ADGRL2: variants seen among roughly 807,000 people sequenced by gnomAD.
The protein encoded by ADGRL2 is adhesion G protein-coupled receptor L2, also known as calcium-independent alpha-latrotoxin receptor 2.
ADGRL2 carries 44 observed loss-of-function variants against 157.4 expected under a neutral mutation model. That is an observed-to-expected ratio of 0.28 (90% confidence interval 0.22 to 0.36). The LOEUF is 0.36. ADGRL2 is among the 10% of genes least tolerant of loss of function. ADGRL2 has a pLI of 1.00. For missense variants in ADGRL2, 1,510 were observed against 1,768.9 expected (o/e 0.85, Z 2.63); for synonymous variants, 585 against 624.7 (o/e 0.94, Z 0.95).
chr1:81,373,952 G>A (rs2076203163), intron 1 of ADGRL2, among the ~76,000 whole-genome samples: 2 of 152,206 alleles, frequency 1.3e-5, no homozygotes, highest in South Asian at 2.1e-4. Flanking sequence ...AAATGTAGTA[G>A]GTCCAAAAAT....
intron 1 of ADGRL2, among the ~76,000 whole-genome samples, chr1:81,359,125 G>T (rs1253505096): frequency 6.6e-6 from 1 of 151,882 alleles, no homozygotes; most frequent in Non-Finnish European, 1.5e-5. Context: ...GTTGGGAGGT[G>T]GTATGGAAGC....
At chr1:81,532,964 CT>C (rs1294782246) in intron 2 of ADGRL2, among the ~76,000 whole-genome samples, 1 of 149,928 alleles carries the variant, frequency 6.7e-6, no homozygotes, top group African/African-American at 2.4e-5. Context: ...ATCTATCTAT[CT>C]ATCTATCATC....
At chr1:81,412,278 T>C (rs1281882527) in intron 1 of ADGRL2, among the ~76,000 whole-genome samples, 2 of 152,186 alleles carry the variant, frequency 1.3e-5, no homozygotes, top group Non-Finnish European at 2.9e-5. Context: ...CCTCCACAAG[T>C]CATTATTAAT....
chr1:81,700,729 G>C (rs2083550654), intron 1 of ADGRL2, among the ~76,000 whole-genome samples: 1 of 152,148 alleles, frequency 6.6e-6, no homozygotes, highest in Non-Finnish European at 1.5e-5. Flanking sequence ...GATAGGAGAG[G>C]AAAAGCATAA....
At chr1:81,615,365 G>A (rs947498863) in intron 3 of ADGRL2, among the ~76,000 whole-genome samples, 1 of 152,230 alleles carries the variant, frequency 6.6e-6, no homozygotes, top group Non-Finnish European at 1.5e-5. Flanking sequence ...CTTCTATGCT[G>A]TGGAAGCTTT....
chr1:81,482,696 CAGG>C lies in ADGRL2; in HGVS notation c.-248+37610_-248+37612del, dbSNP rs148066444. ...AAAAACATCTTTATGTTTGTAAACA[CAGG>C]AGATATTAGATAGGGTTCCATTTGT... On this transcript the variant is annotated intron_variant, in intron 2 of 24. Transcript: ENST00000370721. 9.1e-3 allele frequency among the ~76,000 whole-genome samples: 1,384 copies of C among 152,064 alleles called. 19 individuals carry two copies. The highest frequency in any genetic ancestry group is 0.031 in the African/African-American group (1,294 of 41,494).
intron 3 of ADGRL2, among the ~76,000 whole-genome samples, chr1:81,657,101 C>G (rs2082551678): frequency 6.6e-6 from 1 of 150,788 alleles, no homozygotes; most frequent in Non-Finnish European, 1.5e-5. Context: ...AGTAATAGAA[C>G]AAGTTTGATT....
chr1:81,900,138 T>C (rs1024025378), intron 2 of ADGRL2, among the ~76,000 whole-genome samples: 14 of 152,098 alleles, frequency 9.2e-5, no homozygotes, highest in African/African-American at 3.4e-4. Context: ...TCTTGTATGG[T>C]TGTTTTGAGG....
intron 2 of ADGRL2, among the ~76,000 whole-genome samples, chr1:81,866,708 G>A (rs1178025124): frequency 6.6e-6 from 1 of 152,086 alleles, no homozygotes; most frequent in Non-Finnish European, 1.5e-5. Context: ...TTACTGAGAT[G>A]ACATTTGTAA....
chr1:81,747,813 T>C (rs2085352191), intron 1 of ADGRL2, among the ~76,000 whole-genome samples: 1 of 151,990 alleles, frequency 6.6e-6, no homozygotes, highest in Non-Finnish European at 1.5e-5. Flanking sequence ...GATTTCTTTT[T>C]ATTGGATTTT....
chr1:81,606,968 A>G (rs1399966573), intron 3 of ADGRL2, among the ~76,000 whole-genome samples: 2 of 152,208 alleles, frequency 1.3e-5, no homozygotes, highest in Non-Finnish European at 1.5e-5. Flanking sequence ...CTCTAAAACC[A>G]AAAGCAACAC....
In ADGRL2 at chr1:81,772,118, C is replaced by T. The variant is rs191452986; in HGVS notation, c.-101+10266C>T. 3.4e-3 allele frequency among the ~76,000 whole-genome samples: 517 copies of T among 151,812 alleles called. 6 individuals carry two copies. In the South Asian group the frequency reaches 0.046, roughly 14 times the overall value. On this transcript the variant is annotated intron_variant, in intron 2 of 20. Coordinates refer to the ADGRL2 transcript ENST00000359929. ...TACAAACATTAGCTGGGCATAGTGG[C>T]GGGCACCTGTAATCCCAGCTACTTG...
intron 1 of ADGRL2, among the ~76,000 whole-genome samples, chr1:81,351,245 T>A (rs1662864652): frequency 6.6e-6 from 1 of 152,014 alleles, no homozygotes; most frequent in Admixed American, 6.5e-5. Context: ...CTTTTTTTTT[T>A]TTAACCCTCT....
intron 2 of ADGRL2, among the ~76,000 whole-genome samples, chr1:81,767,357 C>T (rs1304761241): frequency 6.6e-6 from 1 of 152,050 alleles, no homozygotes; most frequent in Non-Finnish European, 1.5e-5. Flanking sequence ...AAAATTTATA[C>T]AGGGCAGTGG....
chr1:81,526,522 T>C (rs901103927), intron 2 of ADGRL2, among the ~76,000 whole-genome samples: 3 of 152,220 alleles, frequency 2.0e-5, no homozygotes, highest in Non-Finnish European at 4.4e-5. Context: ...AAGCAGAATG[T>C]CATTACACAT....
chr1:81,903,812 T>TATACACACAC (rs1257119908), intron 2 of ADGRL2, among the ~76,000 whole-genome samples: 9 of 120,528 alleles, frequency 7.5e-5, no homozygotes, highest in Non-Finnish European at 1.3e-4. Context: ...ACATTTTATA[T>TATACACACAC]ACACACACAC....
intron 2 of ADGRL2, among the ~76,000 whole-genome samples, chr1:81,527,970 G>A (rs1319414390): frequency 6.6e-6 from 1 of 151,978 alleles, no homozygotes. Context: ...GGGGGGCTGA[G>A]GCAGGAGAAT....
At chr1:81,859,568 G>A (rs1219507977) in intron 2 of ADGRL2, among the ~76,000 whole-genome samples, 2 of 151,626 alleles carry the variant, frequency 1.3e-5, no homozygotes, top group East Asian at 1.9e-4. Context: ...CACCACGCTC[G>A]GCTAATTTTT....
chr1:81,345,138 A>G (rs1662387941), intron 1 of ADGRL2, among the ~76,000 whole-genome samples: 1 of 152,256 alleles, frequency 6.6e-6, no homozygotes, highest in Non-Finnish European at 1.5e-5. Flanking sequence ...CAAGAGAGGA[A>G]GAACCAGTGG....
Sources: allele counts gnomAD v4.1 joint callset (sites outside exome capture counted in the v4.1 genomes callset), GRCh38; gene constraint gnomAD v4.1.1; transcripts MANE v1.5; gene names NCBI Gene and HGNC (gene_info 2026-07-23, HGNC 2026-07-21).